ZNF469: variants seen among roughly 807,000 people sequenced by gnomAD.
The protein encoded by ZNF469 is zinc finger protein 469.
In ZNF469, 1 loss-of-function variant was observed where a neutral mutation model predicts 1.0. The observed-to-expected ratio is 1.00, with a 90% CI of 0.35 to 4.73. ZNF469 has a LOEUF of 4.73. Ranked by LOEUF, ZNF469 falls within the 30% of genes most tolerant of loss-of-function variation. The pLI is 0.16. For missense variants in ZNF469, 6,100 were observed against 5,356.3 expected, an observed-to-expected ratio of 1.14 and a Z score of -4.33; for synonymous variants, 2,703 against 2,363.4, an observed-to-expected ratio of 1.14 and a Z score of -4.17.
the ZNF469 span, among the ~76,000 whole-genome samples, chr16:88,225,751 C>G: frequency 1.3e-5 from 2 of 152,206 alleles, no homozygotes; most frequent in African/African-American, 4.8e-5. Context: ...ACAGGAAACA[C>G]TGCCTATGAA....
At chr16:88,390,898 C>G (rs983171370) in intron 1 of ZNF469, among the ~76,000 whole-genome samples, 1 of 152,242 alleles carries the variant, frequency 6.6e-6, no homozygotes, top group African/African-American at 2.4e-5. Context: ...GGCGCAGAGA[C>G]ACATTCCTCT....
the ZNF469 span, among the ~76,000 whole-genome samples, chr16:88,280,922 G>A: frequency 6.6e-6 from 1 of 151,782 alleles, no homozygotes; most frequent in African/African-American, 2.4e-5. Context: ...ATGGGTTAGT[G>A]CTGTGCTATG....
the ZNF469 span, among the ~76,000 whole-genome samples, chr16:88,349,372 C>A: frequency 6.6e-6 from 1 of 151,640 alleles, no homozygotes; most frequent in Non-Finnish European, 1.5e-5. Context: ...ATATCACACA[C>A]ACACACCACA....
At chr16:88,176,135 C>T in the ZNF469 span, among the ~76,000 whole-genome samples, 1 of 151,640 alleles carries the variant, frequency 6.6e-6, no homozygotes, top group African/African-American at 2.4e-5. Flanking sequence ...CTGAGGACGT[C>T]TGGCACCCTG....
chr16:88,154,571 G>T, the ZNF469 span, among the ~76,000 whole-genome samples: 1 of 152,232 alleles, frequency 6.6e-6, no homozygotes, highest in Non-Finnish European at 1.5e-5. Flanking sequence ...AGCCTCGCTG[G>T]CCTCCAAGGC....
At chr16:88,305,611 C>A in the ZNF469 span, among the ~76,000 whole-genome samples, 1 of 151,752 alleles carries the variant, frequency 6.6e-6, no homozygotes, top group Non-Finnish European at 1.5e-5. Context: ...CACATGCACA[C>A]ACACCCTCAC....
chr16:88,435,584 G>C lies in ZNF469; in HGVS notation c.8114G>C (p.Gly2705Ala), dbSNP rs1021977490. 3.9e-6 allele frequency: 6 copies of C among 1,550,082 alleles called. No individual in the cohort carries two copies. The highest frequency in any genetic ancestry group is 5.2e-6 in the Non-Finnish European group (6 of 1,146,914). Residue 2705 changes from glycine (G) to alanine (A), a missense_variant, in exon 3 of 3, where the codon GGT (glycine) becomes GCT (alanine). Gly to Ala is a moderately conservative substitution (Grantham distance 60, BLOSUM62 0). Transcript: ENST00000565624. ...ACTCTGGGACCTGGGGTGATGGAGG[G>C]TGCAGCGGAGACTGACCAGGAGGCT... Reference protein sequence around the residue: ...LATLGPGVMEGAAETDQEALC... With the variant: ...LATLGPGVMEAAAETDQEALC...
the ZNF469 span, among the ~76,000 whole-genome samples, chr16:88,197,130 A>C: frequency 3.3e-5 from 5 of 152,186 alleles, no homozygotes; most frequent in African/African-American, 1.2e-4. Context: ...CACCGAGGCC[A>C]TCACACCTAG....
At position 88,429,995 on chromosome 16, in the gene ZNF469, G is replaced by C; in HGVS notation, c.2525G>C (p.Ser842Thr). Residue 842 changes from serine (S) to threonine (T), a missense_variant, in exon 3 of 3, where the codon AGC becomes ACC. Coordinates refer to ENST00000565624, the MANE Select transcript of ZNF469 (RefSeq NM_001367624.2). ...ATGGAGGATGACGCCAAGCTGGACA[G>C]CCTCATCACAGAGGCGCTCAACGGC... The part of the protein sequence containing the change: ...LDMEDDAKLD[S>T]LITEALNGME... 6.5e-7 allele frequency: 1 copy of C among 1,550,372 alleles called. No homozygotes were observed. Among genetic ancestry groups the C allele is most frequent in the Non-Finnish European group, 8.7e-7 (1 of 1,146,960 alleles).
the ZNF469 span, among the ~76,000 whole-genome samples, chr16:88,319,498 CT>C: frequency 0.031 from 4,746 of 152,272 alleles, 211 homozygotes; most frequent in East Asian, 0.15. Flanking sequence ...AGCACAGGCC[CT>C]GCTGATGCGC....
At chr16:88,176,324 G>A in the ZNF469 span, among the ~76,000 whole-genome samples, 8 of 150,438 alleles carry the variant, frequency 5.3e-5, no homozygotes, top group South Asian at 1.7e-3. Context: ...CACTGGCGCT[G>A]CTCCTTGAGG....
intron 1 of ZNF469, among the ~76,000 whole-genome samples, chr16:88,385,353 G>A (rs928959090): frequency 6.6e-6 from 1 of 152,162 alleles, no homozygotes; most frequent in Admixed American, 6.5e-5. Context: ...TAATAATTCA[G>A]TTACCAGCCG....
the ZNF469 span, among the ~76,000 whole-genome samples, chr16:88,283,158 G>T: frequency 1.3e-5 from 2 of 152,150 alleles, no homozygotes; most frequent in African/African-American, 2.4e-5. Context: ...AGTCGTCTAG[G>T]GGGTGGGGAG....
the ZNF469 span, among the ~76,000 whole-genome samples, chr16:88,112,968 C>T: frequency 1.6e-4 from 25 of 151,866 alleles, no homozygotes; most frequent in African/African-American, 4.3e-4. Flanking sequence ...TTAGTAGAGA[C>T]GGGGTTTCAC....
At chr16:88,139,001 T>C in the ZNF469 span, among the ~76,000 whole-genome samples, 2 of 152,236 alleles carry the variant, frequency 1.3e-5, no homozygotes, top group African/African-American at 2.4e-5. Context: ...CCTGTCCCAA[T>C]GTAAACACAC....
At chr16:88,403,145 G>A (rs533094835) in intron 1 of ZNF469, among the ~76,000 whole-genome samples, 3 of 152,326 alleles carry the variant, frequency 2.0e-5, no homozygotes, top group South Asian at 4.1e-4. Flanking sequence ...GGCCGAGTGC[G>A]GTTGGGAGCT....
At chr16:88,293,336 G>GGAT in the ZNF469 span, among the ~76,000 whole-genome samples, 2 of 151,656 alleles carry the variant, frequency 1.3e-5, no homozygotes, top group Non-Finnish European at 2.9e-5. Flanking sequence ...ATGGATGGAT[G>GGAT]GATGGATGGA....
rs1267195102 is a variant in ZNF469 at position 88,424,233 on chromosome 16, G to A, written c.-191-574G>A. 2.0e-5 allele frequency among the ~76,000 whole-genome samples: 3 copies of A among 152,202 alleles called. No homozygotes were observed. The highest frequency in any genetic ancestry group is 2.1e-4 in the South Asian group (1 of 4,832). ...GACAGAGAGTGAGAAACCTCTTCAC[G>A]GAATGTTGTGGGATTATCTACAGGA... On this transcript the variant is annotated intron_variant, in intron 1 of 2. Transcript: ENST00000565624. The surrounding 1 kb of genome is among the most constrained non-coding windows in gnomAD (Gnocchi z 4.3).
the ZNF469 span, among the ~76,000 whole-genome samples, chr16:88,200,129 AG>A: frequency 9.3e-4 from 141 of 152,004 alleles, no homozygotes; most frequent in Non-Finnish European, 1.7e-3. Flanking sequence ...GCACGGCCGA[AG>A]AGAACACGGC....
Sources: allele counts gnomAD v4.1 joint callset (sites outside exome capture counted in the v4.1 genomes callset), GRCh38; gene constraint gnomAD v4.1.1; non-coding constraint Gnocchi (gnomAD v3.1); transcripts MANE v1.5; gene names NCBI Gene and HGNC (gene_info 2026-07-23, HGNC 2026-07-21).